CCDC186: variants seen among roughly 807,000 people sequenced by gnomAD.
CCDC186 encodes coiled-coil domain-containing protein 186.
In CCDC186, 49 loss-of-function variants were observed where a neutral mutation model predicts 113.7. The ratio of observed to expected loss-of-function variants is 0.43; its 90% confidence interval spans 0.34 to 0.55. The LOEUF is 0.55. Ranked by LOEUF, CCDC186 falls within the 20% of genes least tolerant of loss-of-function variation. The pLI, the probability that CCDC186 is intolerant of heterozygous loss-of-function variation, is 0.02. For synonymous variants in CCDC186, 355 were observed against 345.8 expected (o/e 1.03, Z -0.30); for missense variants, 890 against 1,011.1 (o/e 0.88, Z 1.62).
In CCDC186 at chr10:114,121,618, C is replaced by T. The variant is rs900057160; in HGVS notation, c.*3525G>A. The T allele has an allele frequency of 2.0e-5, 3 of 152,014 alleles. No individual in the cohort carries two copies. Among genetic ancestry groups the T allele is most frequent in the African/African-American group, 7.3e-5 (3 of 41,374 alleles). 9.4% of individuals were successfully genotyped at this position (152,014 alleles called of 1,614,324 possible). On this transcript the variant is annotated 3_prime_UTR_variant, in exon 16 of 16. Transcript: ENST00000369287. ...ACTATGATAAAAGTTAGGAAACGTG[C>T]AGAACCACCAGGAAAACAGCAATTT...
rs1213824687 is a variant in CCDC186 at position 114,131,911 on chromosome 10, AT to A, written c.1911+17del. 1 of 1,574,706 alleles carries A rather than the reference AT, an allele frequency of 6.4e-7. No individual in the cohort carries two copies. The highest frequency in any genetic ancestry group is 1.4e-5 in the African/African-American group (1 of 73,606). ...TGCTTGTTACGTTGTTTTAAAAAAA[AT>A]GTAAATTTATACTTACCAAATTAAT... On this transcript the variant is annotated intron_variant, in intron 11 of 15. Transcript: ENST00000369287.
chr10:114,129,779 C>T, intron 13 of CCDC186, 112 bp downstream of exon 13: 1 of 853,014 alleles, frequency 1.2e-6, no homozygotes, highest in Non-Finnish European at 1.8e-6. Context: ...ATCCACTCAT[C>T]TCGTCCTCCC....
chr10:114,164,065 AGT>A (rs747232906), intron 1 of CCDC186, among the ~76,000 whole-genome samples: 1,975 of 106,924 alleles, frequency 0.018, 32 homozygotes, highest in East Asian at 0.069. Context: ...ACCAAGTTAG[AGT>A]GTGTGTGTGT....
At chr10:114,126,460 G>A (rs1009983422) in intron 14 of CCDC186, among the ~76,000 whole-genome samples, 5 of 152,218 alleles carry the variant, frequency 3.3e-5, no homozygotes, top group African/African-American at 7.2e-5. Flanking sequence ...CGGCTCAAGC[G>A]ATCCTCCTGC....
intron 5 of CCDC186, among the ~76,000 whole-genome samples, chr10:114,145,183 G>A (rs4539267): frequency 0.14 from 21,799 of 151,842 alleles, 1,670 homozygotes; most frequent in African/African-American, 0.18. Context: ...TTATACTTCT[G>A]GTTCTAAAAC....
intron 6 of CCDC186, among the ~76,000 whole-genome samples, chr10:114,140,294 C>T (rs2031425559): frequency 6.6e-6 from 1 of 152,108 alleles, no homozygotes; most frequent in Admixed American, 6.6e-5. Context: ...TAGGTGAGTA[C>T]AGACTAAAAA....
At chr10:114,131,761 A>G (rs541740575) in intron 11 of CCDC186, among the ~76,000 whole-genome samples, 168 bp downstream of exon 11, 1 of 152,310 alleles carries the variant, frequency 6.6e-6, no homozygotes, top group East Asian at 1.9e-4. Flanking sequence ...ATTTTATTAT[A>G]AATTATAACA....
At chr10:114,127,306 G>C (rs1175916254) in intron 14 of CCDC186, among the ~76,000 whole-genome samples, 155 bp downstream of exon 14, 4 of 152,094 alleles carry the variant, frequency 2.6e-5, no homozygotes, top group Admixed American at 2.6e-4. Flanking sequence ...ACAAAACCTA[G>C]AACATAATAG....
At chr10:114,160,526 T>C (rs529024045) in intron 2 of CCDC186, among the ~76,000 whole-genome samples, 1 of 152,334 alleles carries the variant, frequency 6.6e-6, no homozygotes, top group South Asian at 2.1e-4. Context: ...AGATCTTAAA[T>C]GTTCTCACCA....
chr10:114,167,004 C>T (rs1589634542), intron 1 of CCDC186, among the ~76,000 whole-genome samples: 1 of 147,860 alleles, frequency 6.8e-6, no homozygotes, highest in East Asian at 2.0e-4. Context: ...AACTACTTAG[C>T]TTGCAAGCTG....
intron 3 of CCDC186, among the ~76,000 whole-genome samples, chr10:114,155,805 T>G (rs1158624237): frequency 1.3e-5 from 2 of 152,226 alleles, no homozygotes; most frequent in African/African-American, 4.8e-5. Flanking sequence ...CTGTTTTATT[T>G]TTATACTAAC....
At chr10:114,150,849 C>G (rs2031836091) in intron 4 of CCDC186, among the ~76,000 whole-genome samples, 1 of 152,068 alleles carries the variant, frequency 6.6e-6, no homozygotes, top group Non-Finnish European at 1.5e-5. Context: ...TGGGGTTTCA[C>G]CATGTTAGCC....
intron 6 of CCDC186, 94 bp from the exon 7 acceptor site, chr10:114,137,384 T>C (rs2031299016): frequency 2.6e-6 from 2 of 757,664 alleles, no homozygotes; most frequent in Non-Finnish European, 4.5e-6. Flanking sequence ...GTCCTAGCAC[T>C]GTCACTGAGG....
chr10:114,142,813 A>G (rs564878795), intron 6 of CCDC186, among the ~76,000 whole-genome samples: 3 of 152,220 alleles, frequency 2.0e-5, no homozygotes, highest in South Asian at 2.1e-4. Context: ...GGGTGCCTCA[A>G]GAAAAATTTA....
rs1201080734 is a variant in CCDC186, at chr10:114,157,543, G to A, written c.759+11C>T. 1.3e-6 allele frequency: 2 copies of A among 1,578,766 alleles called. No homozygotes were observed. The highest frequency in any genetic ancestry group is 1.7e-6 in the Non-Finnish European group (2 of 1,169,502). On this transcript the variant is annotated intron_variant, in intron 3 of 15. Transcript: ENST00000369287. ...TGAAGTATAGTCTTCGAAGATTTTT[G>A]TCTTTTTTACCTGTTTAATTGTGTT...
At chr10:114,168,189 T>C (rs1170699678) in intron 1 of CCDC186, 1 of 152,202 alleles carries the variant, frequency 6.6e-6, no homozygotes, top group East Asian at 1.9e-4. Context: ...CAGGACCAAT[T>C]CACACTTCGA....
intron 1 of CCDC186, among the ~76,000 whole-genome samples, chr10:114,169,840 T>C (rs1167816889): frequency 6.6e-6 from 1 of 152,176 alleles, no homozygotes; most frequent in Non-Finnish European, 1.5e-5. Context: ...CCCAAATAAC[T>C]GACTTTTGAT....
At chr10:114,130,405 A>C (rs2031050174) in intron 12 of CCDC186, 1 of 155,864 alleles carries the variant, frequency 6.4e-6, no homozygotes, top group Non-Finnish European at 1.4e-5. Context: ...ACACAAATAA[A>C]GCCGTGAGAA....
intron 6 of CCDC186, among the ~76,000 whole-genome samples, chr10:114,138,471 T>C (rs2031355039): frequency 6.6e-6 from 1 of 151,448 alleles, no homozygotes; most frequent in South Asian, 2.1e-4. Context: ...TTTTTGTATT[T>C]TTAGTAGAGA....
Sources: gnomAD v4.1 joint callset for allele counts (sites outside exome capture counted in the v4.1 genomes callset) on GRCh38, gnomAD v4.1.1 for gene constraint, MANE v1.5 for transcripts, NCBI Gene and HGNC (gene_info 2026-07-23, HGNC 2026-07-21) for gene names.